The following CNTN1 variants were observed in gnomAD, a reference collection of about 807,000 sequenced individuals.
CNTN1 encodes the protein contactin-1.
CNTN1 carries 38 observed loss-of-function variants against 126.4 expected under a neutral mutation model. That is an observed-to-expected ratio of 0.30 (90% CI 0.23 to 0.39). The LOEUF is 0.39. CNTN1 is among the 10% of genes least tolerant of loss of function. The pLI, the probability that CNTN1 is intolerant of heterozygous loss-of-function variation, is 1.00. For missense variants in CNTN1, 1,009 were observed against 1,248.4 expected, an observed-to-expected ratio of 0.81 and a Z score of 2.89; for synonymous variants, 413 against 422.6, an observed-to-expected ratio of 0.98 and a Z score of 0.28.
chr12:40,779,947 T>TC (rs1939726977), intron 1 of CNTN1, among the ~76,000 whole-genome samples: 1 of 151,908 alleles, frequency 6.6e-6, no homozygotes, highest in Non-Finnish European at 1.5e-5. Context: ...AGACTAAATC[T>TC]CCCCAAACAG....
rs145594078 is a variant in CNTN1 at position 40,862,863 on chromosome 12, G to T, written c.-76-45494G>T. ...TTATTGAAAGTTACAGAGCAAACTG[G>T]TTTTTCTCCCCATTTCATCCTAACT... On this transcript the variant is annotated intron_variant, in intron 1 of 23. Coordinates refer to ENST00000551295, the MANE Select transcript of CNTN1 (RefSeq NM_001843.4). Among the ~76,000 whole-genome samples, 1,378 of 152,158 alleles carry T rather than the reference G, an allele frequency of 9.1e-3. 19 individuals are homozygous for T. Among genetic ancestry groups the T allele is most frequent in the African/African-American group, 0.032 (1,309 of 41,514 alleles).
chr12:40,695,892 T>C (rs1486405365), intron 1 of CNTN1, among the ~76,000 whole-genome samples: 1 of 152,218 alleles, frequency 6.6e-6, no homozygotes, highest in Non-Finnish European at 1.5e-5. Context: ...GCATTTCCAT[T>C]CCTAATCTCC....
At chr12:41,016,354 T>G (rs1948780210) in intron 18 of CNTN1, among the ~76,000 whole-genome samples, 1 of 152,032 alleles carries the variant, frequency 6.6e-6, no homozygotes, top group Admixed American at 6.6e-5. Context: ...GGAGAAAACG[T>G]CGAGGTGATT....
In CNTN1 at chr12:40,972,368, C is replaced by T. The variant is rs146744665; in HGVS notation, c.1805-8541C>T. ...GTTTGAAAATACCTTCACTTTCCCC[C>T]TTTGGTCAAAGAGATGTGCTTAAAA... On this transcript the variant is annotated intron_variant, in intron 15 of 23. Coordinates refer to ENST00000551295, the MANE Select transcript of CNTN1 (RefSeq NM_001843.4). The T allele has an allele frequency of 4.4e-5, 43 of 984,146 alleles. No individual in the cohort carries two copies. In the East Asian group the frequency reaches 4.7e-3, roughly 107 times the overall value. The allele number at this position is 984,146 out of a possible 1,614,324, so 61.0% of individuals were successfully genotyped here. A position where few individuals can be genotyped will look rare whatever the true frequency, so the allele number is the denominator to read the frequency against.
chr12:40,725,912 T>TAA lies in CNTN1; in HGVS notation c.-77+33330_-77+33331dup, dbSNP rs200879472. Among the ~76,000 whole-genome samples, 98 of 144,552 alleles carry TAA rather than the reference T, an allele frequency of 6.8e-4. 2 individuals carry two copies. The South Asian group carries it at 0.017, about 25-fold the overall frequency. The allele number at this position is 144,552 out of a possible 152,430, so 94.8% of individuals were successfully genotyped here. A position where few individuals can be genotyped will look rare whatever the true frequency, so the allele number is the denominator to read the frequency against. ...CATAGGCGTTTAGTAGGCATTCAAT[T>TAA]AAAAAAAAAAACAGCAAACAAGAGA... On this transcript the variant is annotated intron_variant, in intron 1 of 23. Coordinates refer to ENST00000551295, the MANE Select transcript of CNTN1 (RefSeq NM_001843.4).
At chr12:40,820,614 G>A (rs1042655953) in intron 1 of CNTN1, among the ~76,000 whole-genome samples, 2 of 152,068 alleles carry the variant, frequency 1.3e-5, no homozygotes, top group Admixed American at 6.5e-5. Flanking sequence ...TTGGGAGGTA[G>A]CATCACAATA....
chr12:41,035,683 G>A (rs892295865), intron 23 of CNTN1, among the ~76,000 whole-genome samples: 1 of 152,158 alleles, frequency 6.6e-6, no homozygotes, highest in East Asian at 1.9e-4. Flanking sequence ...GCCTCACTAA[G>A]AAGGTGATGT....
intron 1 of CNTN1, among the ~76,000 whole-genome samples, chr12:40,774,057 G>A (rs1442561623): frequency 6.6e-6 from 1 of 151,434 alleles, no homozygotes; most frequent in Non-Finnish European, 1.5e-5. Flanking sequence ...GAAGAAGCTG[G>A]AGTATAGAAC....
At chr12:40,971,755 G>T in intron 15 of CNTN1, 2 of 1,241,222 alleles carry the variant, frequency 1.6e-6, no homozygotes, top group Non-Finnish European at 2.0e-6. Flanking sequence ...ATTATATAAT[G>T]GCCAAGTGAA....
intron 6 of CNTN1, among the ~76,000 whole-genome samples, chr12:40,928,858 C>T (rs1022092371): frequency 6.6e-6 from 1 of 151,992 alleles, no homozygotes; most frequent in African/African-American, 2.4e-5. Flanking sequence ...CATGATTATT[C>T]ATCTTTAAAA....
chr12:40,846,583 A>G (rs73118756), intron 1 of CNTN1, among the ~76,000 whole-genome samples: 23,351 of 152,206 alleles, frequency 0.15, 1,793 homozygotes, highest in Middle Eastern at 0.21. Context: ...TCTCCACCAC[A>G]ACAATGCTCC....
At chr12:40,840,207 G>C (rs539941610) in intron 1 of CNTN1, among the ~76,000 whole-genome samples, 4 of 151,768 alleles carry the variant, frequency 2.6e-5, no homozygotes, top group Middle Eastern at 3.4e-3. Context: ...ATTTATATCA[G>C]GTAAAATGGA....
chr12:40,836,301 A>G (rs1234750508), intron 1 of CNTN1, among the ~76,000 whole-genome samples: 1 of 149,170 alleles, frequency 6.7e-6, no homozygotes, highest in Non-Finnish European at 1.5e-5. Context: ...ATATGTGTAT[A>G]TATATATAAA....
At chr12:40,899,135 T>C (rs745621701) in intron 1 of CNTN1, among the ~76,000 whole-genome samples, 19 of 152,234 alleles carry the variant, frequency 1.2e-4, no homozygotes, top group Non-Finnish European at 2.5e-4. Context: ...TATGCTTATA[T>C]GTGAGAGCAA....
Position 40,813,058 on chromosome 12 carries a change from T to TCTTTCTTCCTTCCTTC in CNTN1, c.-76-95296_-76-95295insTCTTCCTTCCTTCCTT, listed in dbSNP as rs71078274. Among the ~76,000 whole-genome samples the TCTTTCTTCCTTCCTTC allele has an allele frequency of 1.9e-3, 196 of 104,782 alleles. 1 individual carries two copies. Among genetic ancestry groups the TCTTTCTTCCTTCCTTC allele is most frequent in the African/African-American group, 6.5e-3 (187 of 28,690 alleles). 68.7% of individuals were successfully genotyped at this position (104,782 alleles called of 152,430 possible). A position where few individuals can be genotyped will look rare whatever the true frequency, so the allele number is the denominator to read the frequency against. ...TCTTTCCTTTCTTTCTTTCTTTCTT[T>TCTTTCTTCCTTCCTTC]CTTCCTTCCTTCCTTCCTTCCTTCC... On this transcript the variant is annotated intron_variant, in intron 1 of 23. Transcript: ENST00000551295.
chr12:40,900,774 AG>A (rs1241080378), intron 1 of CNTN1, among the ~76,000 whole-genome samples: 4 of 152,214 alleles, frequency 2.6e-5, no homozygotes, highest in African/African-American at 9.6e-5. Context: ...AATAAGAATC[AG>A]TTTATTACTC....
chr12:40,774,086 C>A (rs1404099969), intron 1 of CNTN1, among the ~76,000 whole-genome samples: 1 of 151,314 alleles, frequency 6.6e-6, no homozygotes, highest in South Asian at 2.1e-4. Flanking sequence ...GTAGGCAGAC[C>A]CTCATGAGCA....
intron 1 of CNTN1, among the ~76,000 whole-genome samples, chr12:40,745,729 T>TC (rs1938154369): frequency 6.6e-6 from 1 of 152,136 alleles, no homozygotes; most frequent in Non-Finnish European, 1.5e-5. Flanking sequence ...TGTAGTATTT[T>TC]CCCCACAGAA....
chr12:40,951,519 G>C (rs1259870065), intron 14 of CNTN1, among the ~76,000 whole-genome samples: 1 of 151,692 alleles, frequency 6.6e-6, no homozygotes, highest in Non-Finnish European at 1.5e-5. Flanking sequence ...GAGAATTACT[G>C]TTAATTATGT....
Sources: gnomAD v4.1 joint callset for allele counts (sites outside exome capture counted in the v4.1 genomes callset) on GRCh38, gnomAD v4.1.1 for gene constraint, MANE v1.5 for transcripts, NCBI Gene and HGNC (gene_info 2026-07-23, HGNC 2026-07-21) for gene names.